TIGD4: variants seen among roughly 807,000 people sequenced by gnomAD.
The protein encoded by TIGD4 is tigger transposable element derived 4, also known as tigger transposable element-derived protein 4.
TIGD4 carries 20 observed loss-of-function variants against 24.9 expected under a neutral mutation model. The ratio of observed to expected loss-of-function variants is 0.80; its 90% CI spans 0.56 to 1.17. The LOEUF is 1.17. TIGD4 is among the 50% of genes most tolerant of loss of function. The pLI, the probability that TIGD4 is intolerant of heterozygous loss-of-function variation, is 0.00. For synonymous variants in TIGD4, 193 were observed against 211.0 expected (o/e 0.91, Z 0.74); for missense variants, 566 against 591.0 (o/e 0.96, Z 0.44).
chr4:152,773,874 T>A (rs1730220258), intron 1 of TIGD4, among the ~76,000 whole-genome samples: 1 of 152,124 alleles, frequency 6.6e-6, no homozygotes, highest in Admixed American at 6.6e-5. Context: ...AAAATAAAAT[T>A]CTTGCTCTTA....
intron 1 of TIGD4, among the ~76,000 whole-genome samples, chr4:152,777,191 T>C (rs981093047): frequency 3.9e-5 from 6 of 152,216 alleles, no homozygotes; most frequent in African/African-American, 1.4e-4. Context: ...AGGCCAGATC[T>C]TGGTAAGCCT....
Position 152,769,490 on chromosome 4 carries a change from A to T in TIGD4, c.1515T>A (p.Phe505Leu). Residue 505 changes from phenylalanine to leucine, a missense_variant, in exon 2 of 2, where the codon TTT (phenylalanine) becomes TTA (leucine). Physicochemically the swap from Phe to Leu is conservative, Grantham distance 22. Coordinates refer to ENST00000304337, the MANE Select transcript of TIGD4 (RefSeq NM_145720.4). Reference sequence around the variant, plus strand: ...GTTACTTAGGTGATAAAGAGTTAATAAAATTTTCAAGGTCTGCTAAAGAAT... The same window carrying T: ...GTTACTTAGGTGATAAAGAGTTAATTAAATTTTCAAGGTCTGCTAAAGAAT... ...LQNSLADLEN[F>L]INSLSPK 6.4e-7 allele frequency: 1 copy of T among 1,558,110 alleles called. No homozygotes were observed. Among genetic ancestry groups the T allele is most frequent in the Non-Finnish European group, 8.7e-7 (1 of 1,152,762 alleles).
At position 152,769,753 on chromosome 4, in the gene TIGD4, C is replaced by T. The variant is rs1172845939; in HGVS notation, c.1252G>A (p.Glu418Lys). ...GVEFPEGLSIEEYAALDDDLE... is the reference protein window; with the variant it reads ...GVEFPEGLSIKEYAALDDDLE... ...TCATCATCCAGGGCAGCATATTCTT[C>T]TATAGATAAACCTTCAGGAAATTCT... Residue 418 changes from glutamate to lysine, a missense_variant, in exon 2 of 2, where the codon GAA (glutamate) becomes AAA (lysine). Coordinates refer to ENST00000304337, the MANE Select transcript of TIGD4 (RefSeq NM_145720.4). The T allele has an allele frequency of 6.2e-7, 1 of 1,613,790 alleles. No homozygotes were observed. The highest frequency in any genetic ancestry group is 8.5e-7 in the Non-Finnish European group (1 of 1,179,924).
chr4:152,774,087 C>T (rs1730224766), intron 1 of TIGD4, among the ~76,000 whole-genome samples: 1 of 151,604 alleles, frequency 6.6e-6, no homozygotes, highest in South Asian at 2.1e-4. Flanking sequence ...TCCCTTCCTT[C>T]CTCTCTCCCT....
intron 1 of TIGD4, among the ~76,000 whole-genome samples, chr4:152,778,834 T>C (rs1183496485): frequency 6.6e-6 from 1 of 152,136 alleles, no homozygotes; most frequent in Non-Finnish European, 1.5e-5. Context: ...TCAGCTACTG[T>C]GACAAGTAAA....
chr4:152,770,417 T>C lies in TIGD4; in HGVS notation c.588A>G (p.Thr196=), dbSNP rs1275265041. Residue 196 remains threonine (T), a synonymous_variant, in exon 2 of 2, where the codon ACA becomes ACG. Coordinates refer to ENST00000304337, the MANE Select transcript of TIGD4 (RefSeq NM_145720.4). The stretch of plus-strand genomic sequence containing the variant: ...AACATGTTTCGCCTTTAAATGCAAA[T>C]GTATTGGTAGGTAACATTCGATAAA... ...GLLYRMLPTN[T]FAFKGETCSV... The C allele has an allele frequency of 2.5e-6, 4 of 1,614,136 alleles. No individual in the cohort carries two copies. The highest frequency in any genetic ancestry group is 4.5e-5 in the East Asian group (2 of 44,882).
Position 152,769,845 on chromosome 4 carries a change from C to T in TIGD4, c.1160G>A (p.Ser387Asn). ...EAGFKSQKGE[S>N]DITNAEKDTG... ...ATCCTTCTCTGCATTTGTTATGTCACTTTCTCCCTTTTGAGATTTGAATCC... is the reference window on the plus strand; with the variant it reads ...ATCCTTCTCTGCATTTGTTATGTCATTTTCTCCCTTTTGAGATTTGAATCC... The change falls in exon 2 of 2, where the codon AGT becomes AAT. Residue 387 changes from serine (S) to asparagine (N), a missense_variant. Coordinates refer to ENST00000304337, the MANE Select transcript of TIGD4 (RefSeq NM_145720.4). 1.2e-6 allele frequency: 2 copies of T among 1,613,068 alleles called. No individual in the cohort carries two copies. Among genetic ancestry groups the T allele is most frequent in the Non-Finnish European group, 1.7e-6 (2 of 1,179,592 alleles).
rs758116752 is a variant in TIGD4, at chr4:152,770,881, T to A, written c.124A>T (p.Ile42Phe). The A allele has an allele frequency of 6.2e-7, 1 of 1,613,980 alleles. No homozygotes were observed. The highest frequency in any genetic ancestry group is 8.5e-7 in the Non-Finnish European group (1 of 1,179,938). The change falls in exon 2 of 2, where the codon ATT becomes TTT. Residue 42 changes from isoleucine (I) to phenylalanine (F), a missense_variant. Physicochemically the swap from Ile to Phe is conservative, Grantham distance 21. Transcript: ENST00000304337. ...AVESGKKKAE[I>F]AAEYGIKKNS... ...TTCTTTATTCCATATTCAGCAGCAA[T>A]CTCTGCTTTTTTCTTGCCACTTTCC...
At chr4:152,777,753 AATG>A (rs1294908498) in intron 1 of TIGD4, among the ~76,000 whole-genome samples, 1 of 152,142 alleles carries the variant, frequency 6.6e-6, no homozygotes, top group East Asian at 1.9e-4. Context: ...CCAGGCTTAA[AATG>A]ATGTTTTTCA....
At chr4:152,776,882 A>C (rs1418222131) in intron 1 of TIGD4, among the ~76,000 whole-genome samples, 2 of 152,228 alleles carry the variant, frequency 1.3e-5, no homozygotes, top group Non-Finnish European at 2.9e-5. Flanking sequence ...AAACAGGGAA[A>C]AATGAATTCT....
rs1730236313 is a variant in TIGD4 at position 152,774,835 on chromosome 4, G to A, written c.-538-3293C>T. 2.6e-5 allele frequency among the ~76,000 whole-genome samples: 4 copies of A among 152,068 alleles called. No individual in the cohort carries two copies. The South Asian group carries it at 8.3e-4, about 31-fold the overall frequency. ...GGAGGCACATAAATTGTTACAATACGCTTATGGAGGGCAAATTTGCAATAT... is the reference window on the plus strand; with the variant it reads ...GGAGGCACATAAATTGTTACAATACACTTATGGAGGGCAAATTTGCAATAT... On this transcript the variant is annotated intron_variant, in intron 1 of 1. Coordinates refer to ENST00000304337, the MANE Select transcript of TIGD4 (RefSeq NM_145720.4).
chr4:152,769,471 T>G lies in TIGD4; in HGVS notation c.1534A>C (p.Lys512Gln). ...TTTAGATGTACAATACATAGTTACT[T>G]AGGTGATAAAGAGTTAATAAAATTT... ...LENFINSLSP[K>Q] Residue 512 changes from lysine to glutamine, a missense_variant, in exon 2 of 2, where the codon AAG (lysine) becomes CAG (glutamine). Coordinates refer to ENST00000304337, the MANE Select transcript of TIGD4 (RefSeq NM_145720.4). The G allele has an allele frequency of 6.6e-7, 1 of 1,517,974 alleles. No homozygotes were observed. The highest frequency in any genetic ancestry group is 8.9e-7 in the Non-Finnish European group (1 of 1,124,926). The allele number at this position is 1,517,974 out of a possible 1,614,324, so 94.0% of individuals were successfully genotyped here. A position where few individuals can be genotyped will look rare whatever the true frequency, so the allele number is the denominator to read the frequency against.
At chr4:152,778,171 A>G (rs1201447439) in intron 1 of TIGD4, among the ~76,000 whole-genome samples, 1 of 152,204 alleles carries the variant, frequency 6.6e-6, no homozygotes, top group Non-Finnish European at 1.5e-5. Flanking sequence ...GAAACACTTC[A>G]GAGTCTGACA....
At chr4:152,773,642 T>A (rs1355414181) in intron 1 of TIGD4, among the ~76,000 whole-genome samples, 3 of 82,150 alleles carry the variant, frequency 3.7e-5, no homozygotes, top group African/African-American at 5.3e-5. Flanking sequence ...TCCAATGCCT[T>A]AAAAAAAAAA....
chr4:152,771,799 A>G lies in TIGD4; in HGVS notation c.-538-257T>C, dbSNP rs189790906. On this transcript the variant is annotated intron_variant, in intron 1 of 1. Coordinates refer to ENST00000304337, the MANE Select transcript of TIGD4 (RefSeq NM_145720.4). ...AATATATAGTTCTGAAATAAATCAG[A>G]TAAATTTAATCTATTTTGAAAATGT... Among the ~76,000 whole-genome samples, 514 of 152,282 alleles carry G rather than the reference A, an allele frequency of 3.4e-3. 3 individuals carry two copies. The highest frequency in any genetic ancestry group is 3.8e-3 in the Non-Finnish European group (259 of 67,998).
At chr4:152,773,237 C>T (rs1466499305) in intron 1 of TIGD4, among the ~76,000 whole-genome samples, 2 of 152,184 alleles carry the variant, frequency 1.3e-5, no homozygotes, top group African/African-American at 4.8e-5. Flanking sequence ...ACTTTTTGCA[C>T]AAAATCTTTT....
At chr4:152,771,808 A>G (rs1442671627) in intron 1 of TIGD4, among the ~76,000 whole-genome samples, 2 of 152,182 alleles carry the variant, frequency 1.3e-5, no homozygotes, top group African/African-American at 2.4e-5. Flanking sequence ...GATAAATTTA[A>G]TCTATTTTGA....
intron 1 of TIGD4, among the ~76,000 whole-genome samples, chr4:152,779,179 A>T (rs991759092): frequency 6.6e-6 from 1 of 152,182 alleles, no homozygotes; most frequent in African/African-American, 2.4e-5. Context: ...CAGAACAATG[A>T]TCTATTTAAG....
Position 152,771,172 on chromosome 4 carries a change from G to T in TIGD4, c.-168C>A. ...TTGTAGGAACTTGATGACAAAATAT[G>T]CTTTTTCAAAGATCTGAAGAAAAAT... is the stretch of plus-strand genomic sequence containing the variant. On this transcript the variant is annotated 5_prime_UTR_variant, in exon 2 of 2. Coordinates refer to ENST00000304337, the MANE Select transcript of TIGD4 (RefSeq NM_145720.4). The T allele has an allele frequency of 2.6e-6, 2 of 775,512 alleles. No homozygotes were observed. The highest frequency in any genetic ancestry group is 1.9e-6 in the Non-Finnish European group (1 of 532,722). The allele number at this position is 775,512 out of a possible 1,614,324, so 48.0% of individuals were successfully genotyped here.
Sources: allele counts gnomAD v4.1 joint callset (sites outside exome capture counted in the v4.1 genomes callset), GRCh38; gene constraint gnomAD v4.1.1; transcripts MANE v1.5; gene names NCBI Gene and HGNC (gene_info 2026-07-23, HGNC 2026-07-21).